Variants in VCF1 observed in about 807,000 individuals in gnomAD.
VCF1 encodes the protein VCP nuclear cofactor family member 1, also known as protein VCF1.
At chr17:73,226,106 T>C in the VCF1 span, among the ~76,000 whole-genome samples, 2 of 151,886 alleles carry the variant, frequency 1.3e-5, no homozygotes, top group Non-Finnish European at 2.9e-5. Context: ...TTTCACCATG[T>C]TGGCCAGGCT....
chr17:73,230,417 T>A, the VCF1 span, among the ~76,000 whole-genome samples: 39 of 146,382 alleles, frequency 2.7e-4, no homozygotes, highest in East Asian at 2.2e-3. Flanking sequence ...TTTTTTTTTT[T>A]AGATGGAAGT....
chr17:73,228,170 A>ATTTCC, the VCF1 span, among the ~76,000 whole-genome samples: 2 of 152,220 alleles, frequency 1.3e-5, no homozygotes, highest in Non-Finnish European at 2.9e-5. Context: ...GATAAAGGAC[A>ATTTCC]TTTCCGTCAC....
At chr17:73,209,033 G>C in the VCF1 span, 1 of 198,470 alleles carries the variant, frequency 5.0e-6, no homozygotes, top group African/African-American at 2.4e-5. Context: ...CATACTGAGA[G>C]GTAGTATGGC....
chr17:73,229,318 T>G, the VCF1 span: 5 of 985,350 alleles, frequency 5.1e-6, no homozygotes, highest in African/African-American at 7.0e-5. Flanking sequence ...TGTTAACAAC[T>G]GGCAAGATTA....
At chr17:73,232,040 C>T in the VCF1 span, 1 of 1,533,526 alleles carries the variant, frequency 6.5e-7, no homozygotes, top group South Asian at 1.2e-5. Flanking sequence ...GCTCTATCTC[C>T]CAGATCCTCA....
the VCF1 span, among the ~76,000 whole-genome samples, chr17:73,231,269 G>A: frequency 2.0e-5 from 3 of 152,180 alleles, no homozygotes; most frequent in African/African-American, 7.2e-5. Context: ...AACAGGAAGA[G>A]CATTCTGAGG....
the VCF1 span, among the ~76,000 whole-genome samples, chr17:73,225,784 C>G: frequency 6.7e-6 from 1 of 149,336 alleles, no homozygotes; most frequent in African/African-American, 2.5e-5. Flanking sequence ...CCCTGAGATT[C>G]CCAACTATTA....
the VCF1 span, chr17:73,227,194 G>A: frequency 2.5e-6 from 4 of 1,587,028 alleles, no homozygotes; most frequent in African/African-American, 2.7e-5. Flanking sequence ...TGAAAGACAG[G>A]GTTTCTGCTA....
At chr17:73,224,935 C>CAGCACAGCACAGCACAGGACAGG in the VCF1 span, among the ~76,000 whole-genome samples, 24 of 117,038 alleles carry the variant, frequency 2.1e-4, 1 homozygote, top group African/African-American at 7.6e-4. Flanking sequence ...GACAGGACAG[C>CAGCACAGCACAGCACAGGACAGG]ACAGCACAGC....
the VCF1 span, among the ~76,000 whole-genome samples, chr17:73,219,957 C>CA: frequency 6.8e-6 from 1 of 146,222 alleles, no homozygotes; most frequent in Non-Finnish European, 1.5e-5. Context: ...GCCTGGGAGA[C>CA]AGAGTGAGAC....
At chr17:73,217,810 A>G in the VCF1 span, among the ~76,000 whole-genome samples, 1 of 151,812 alleles carries the variant, frequency 6.6e-6, no homozygotes, top group South Asian at 2.1e-4. Flanking sequence ...TGTCTCTACT[A>G]AAATACAAAA....
At chr17:73,216,544 G>A in the VCF1 span, among the ~76,000 whole-genome samples, 7 of 151,986 alleles carry the variant, frequency 4.6e-5, no homozygotes, top group Non-Finnish European at 8.8e-5. Flanking sequence ...GGAGGTGAGT[G>A]GGGAAAAGAG....
At chr17:73,208,607 A>G in the VCF1 span, 1 of 939,038 alleles carries the variant, frequency 1.1e-6, no homozygotes, top group Non-Finnish European at 1.7e-6. Context: ...TTAAGCATCA[A>G]GTTAATCCTT....
the VCF1 span, among the ~76,000 whole-genome samples, chr17:73,212,495 A>C: frequency 1.0e-5 from 1 of 100,410 alleles, no homozygotes; most frequent in Admixed American, 9.8e-5. Context: ...GAAGTCAGAT[A>C]GCAGGATTTG....
the VCF1 span, among the ~76,000 whole-genome samples, chr17:73,217,060 T>C: frequency 6.6e-6 from 1 of 152,240 alleles, no homozygotes; most frequent in Admixed American, 6.5e-5. Flanking sequence ...CTGGGCCCAG[T>C]GGCTCATGCC....
the VCF1 span, among the ~76,000 whole-genome samples, chr17:73,224,980 C>CACAGCACAGA: frequency 2.2e-5 from 1 of 45,076 alleles, no homozygotes; most frequent in South Asian, 6.2e-4. Flanking sequence ...CACAGCACAG[C>CACAGCACAGA]ACAGCACAGC....
At chr17:73,208,665 G>A in the VCF1 span, 1 of 615,376 alleles carries the variant, frequency 1.6e-6, no homozygotes, top group Non-Finnish European at 2.9e-6. Flanking sequence ...AGTTCAGGTA[G>A]CTTACATTTT....
chr17:73,229,143 TA>T, the VCF1 span: 1 of 985,444 alleles, frequency 1.0e-6, no homozygotes, highest in South Asian at 4.7e-5. Flanking sequence ...CCCTGCCTCA[TA>T]AATTACTTGA....
At chr17:73,232,224 CG>C in the VCF1 span, 1 of 1,611,466 alleles carries the variant, frequency 6.2e-7, no homozygotes, top group Non-Finnish European at 8.5e-7. Flanking sequence ...CGCAGCCGCT[CG>C]GGTGGACGCA....
Sources: gnomAD v4.1 joint callset for allele counts (sites outside exome capture counted in the v4.1 genomes callset) on GRCh38, gnomAD v4.1.1 for gene constraint, MANE v1.5 for transcripts, NCBI Gene and HGNC (gene_info 2026-07-23, HGNC 2026-07-21) for gene names.